The following CSPP1 variants were observed in gnomAD, a reference collection of about 807,000 sequenced individuals.
CSPP1 encodes the protein centrosome and spindle pole associated protein 1, also known as centrosome and spindle pole-associated protein 1.
In CSPP1, 126 loss-of-function variants were observed where a neutral mutation model predicts 164.4. That is an observed-to-expected ratio of 0.77 (90% CI 0.66 to 0.89). The LOEUF (loss-of-function observed/expected upper bound fraction) is 0.89. Ranked by LOEUF, CSPP1 falls within the 40% of genes least tolerant of loss-of-function variation. The pLI is 0.00. For synonymous variants in CSPP1, 472 were observed against 476.7 expected (o/e 0.99, Z 0.13); for missense variants, 1,395 against 1,449.8 (o/e 0.96, Z 0.61).
intron 28 of CSPP1, among the ~76,000 whole-genome samples, chr8:67,181,132 G>C (rs922113850): frequency 6.6e-6 from 1 of 151,792 alleles, no homozygotes; most frequent in African/African-American, 2.4e-5. Flanking sequence ...CAAATTCCTG[G>C]ACTCAAGTGC....
At chr8:67,183,843 ATTTTT>A (rs918103972) in intron 28 of CSPP1, among the ~76,000 whole-genome samples, 4 of 108,212 alleles carry the variant, frequency 3.7e-5, no homozygotes, top group African/African-American at 1.2e-4. Flanking sequence ...AAAATTGGGA[ATTTTT>A]TTTTTTTTTT....
chr8:67,108,401 CAAAA>C (rs536563215), intron 9 of CSPP1, among the ~76,000 whole-genome samples: 3 of 116,020 alleles, frequency 2.6e-5, no homozygotes, highest in Admixed American at 8.8e-5. Context: ...GACCCTGTGT[CAAAA>C]AAAAAAAAAA....
intron 9 of CSPP1, among the ~76,000 whole-genome samples, chr8:67,109,170 G>A (rs540261653): frequency 1.3e-5 from 2 of 152,310 alleles, no homozygotes; most frequent in South Asian, 2.1e-4. Flanking sequence ...CTTGAGTGGG[G>A]CAGAATCTTC....
At chr8:67,109,613 T>A (rs917638545) in intron 9 of CSPP1, among the ~76,000 whole-genome samples, 2 of 152,074 alleles carry the variant, frequency 1.3e-5, no homozygotes, top group African/African-American at 4.8e-5. Context: ...CTTTAAAAAA[T>A]TTTGCCTACC....
chr8:67,065,558 C>T, intron 1 of CSPP1: 1 of 963,898 alleles, frequency 1.0e-6, no homozygotes, highest in Non-Finnish European at 1.2e-6. Context: ...TTCTCCATAT[C>T]ATTCTTCTCC....
At chr8:67,165,021 C>A (rs754334470) in intron 24 of CSPP1, among the ~76,000 whole-genome samples, 1 of 152,194 alleles carries the variant, frequency 6.6e-6, no homozygotes, top group Non-Finnish European at 1.5e-5. Context: ...CAGTTGCTCA[C>A]GCCTGTAATC....
chr8:67,194,837 TTGAC>T (rs2129576393), intron 30 of CSPP1, among the ~76,000 whole-genome samples: 1 of 152,318 alleles, frequency 6.6e-6, no homozygotes, highest in African/African-American at 2.4e-5. Context: ...TACCTCTTCA[TTGAC>T]TGGACACGGC....
chr8:67,151,111 C>T (rs950851366), intron 18 of CSPP1, among the ~76,000 whole-genome samples: 1 of 152,198 alleles, frequency 6.6e-6, no homozygotes, highest in Admixed American at 6.5e-5. Context: ...GCACACTTAT[C>T]TGTAGCCTTT....
chr8:67,156,724 G>C (rs1185241985), intron 19 of CSPP1, among the ~76,000 whole-genome samples: 1 of 152,178 alleles, frequency 6.6e-6, no homozygotes, highest in Non-Finnish European at 1.5e-5. Flanking sequence ...GTACAAGTAA[G>C]TTCCACAGTT....
intron 1 of CSPP1, among the ~76,000 whole-genome samples, chr8:67,066,693 A>C (rs554061544): frequency 2.0e-5 from 3 of 152,258 alleles, no homozygotes; most frequent in Non-Finnish European, 2.9e-5. Context: ...AGGGGGCATT[A>C]TCTTGTCCAA....
Position 67,159,905 on chromosome 8 carries a change from TTTCTTTCTTTC to T in CSPP1, c.2538+771_2538+781del, listed in dbSNP as rs1827635107. Among the ~76,000 whole-genome samples, 2 of 67,200 alleles carry T rather than the reference TTTCTTTCTTTC, an allele frequency of 3.0e-5. 1 individual carries two copies. The highest frequency in any genetic ancestry group is 7.8e-4 in the East Asian group (2 of 2,572). 44.1% of individuals were successfully genotyped at this position (67,200 alleles called of 152,430 possible). On this transcript the variant is annotated intron_variant, in intron 21 of 30. Coordinates refer to ENST00000678616, the MANE Select transcript of CSPP1 (RefSeq NM_001382391.1). ...CTTTCTTTCTTTCTTTCTTTCTTTC[TTTCTTTCTTTC>T]TTTCTTTCCTTTCCTTCCTTCCTTC...
chr8:67,083,359 C>T (rs531599665), intron 3 of CSPP1, among the ~76,000 whole-genome samples: 146 of 151,120 alleles, frequency 9.7e-4, no homozygotes, highest in African/African-American at 3.4e-3. Flanking sequence ...TGGTGAAACC[C>T]CGCCTCCACT....
chr8:67,099,355 T>C (rs1193688951), intron 7 of CSPP1: 1 of 152,150 alleles, frequency 6.6e-6, no homozygotes, highest in Non-Finnish European at 1.5e-5. Context: ...TGTTGGAAAC[T>C]AAGTAGGCTT....
chr8:67,109,457 G>A (rs1332440036), intron 9 of CSPP1, among the ~76,000 whole-genome samples: 1 of 152,110 alleles, frequency 6.6e-6, no homozygotes, highest in African/African-American at 2.4e-5. Context: ...TTCAAAATTA[G>A]TTGATTTGGT....
intron 21 of CSPP1, among the ~76,000 whole-genome samples, chr8:67,160,696 T>C (rs1261584780): frequency 6.6e-6 from 1 of 151,882 alleles, no homozygotes; most frequent in African/African-American, 2.4e-5. Flanking sequence ...ATGTCTGATA[T>C]ATATATATAT....
intron 7 of CSPP1, 112 bp from the exon 8 acceptor site, chr8:67,102,925 T>G: frequency 1.8e-6 from 1 of 546,918 alleles, no homozygotes; most frequent in Admixed American, 3.4e-5. Context: ...AAAACTTCAT[T>G]ATAACACTTT....
At chr8:67,141,884 T>C (rs1413657621) in intron 17 of CSPP1, among the ~76,000 whole-genome samples, 1 of 152,248 alleles carries the variant, frequency 6.6e-6, no homozygotes, top group African/African-American at 2.4e-5. Context: ...GTGTGATGAC[T>C]AAGACCACAT....
At position 67,147,794 on chromosome 8, in the gene CSPP1, A is replaced by G. The variant is rs1824895278; in HGVS notation, c.1976-1989A>G. Among the ~76,000 whole-genome samples, 3 of 152,080 alleles carry G rather than the reference A, an allele frequency of 2.0e-5. No homozygotes were observed. In the South Asian group the frequency reaches 6.2e-4, roughly 32 times the overall value. On this transcript the variant is annotated intron_variant, in intron 17 of 30. Transcript: ENST00000678616. ...CATGATCTTTCTTCTAAGGACTGTC[A>G]TCTGACCTTGTGTGTTTCTCATCCC...
intron 8 of CSPP1, among the ~76,000 whole-genome samples, chr8:67,104,988 T>C (rs1815153606): frequency 6.9e-6 from 1 of 145,128 alleles, no homozygotes; most frequent in Non-Finnish European, 1.5e-5. Context: ...TTTTTTTTTT[T>C]TTTTACTGGG....
Sources: gnomAD v4.1 joint callset for allele counts (sites outside exome capture counted in the v4.1 genomes callset) on GRCh38, gnomAD v4.1.1 for gene constraint, MANE v1.5 for transcripts, NCBI Gene and HGNC (gene_info 2026-07-23, HGNC 2026-07-21) for gene names.